CNTN4: variants seen among roughly 807,000 people sequenced by gnomAD.
CNTN4 encodes contactin-4.
In CNTN4, 77 loss-of-function variants were observed where a neutral mutation model predicts 122.5. That is an observed-to-expected ratio of 0.63 (90% confidence interval 0.52 to 0.76). CNTN4 has a LOEUF of 0.76. Ranked by LOEUF, CNTN4 falls within the 30% of genes least tolerant of loss-of-function variation. The pLI, the probability that CNTN4 is intolerant of heterozygous loss-of-function variation, is 0.00. For missense variants in CNTN4, 1,256 were observed against 1,259.1 expected (o/e 1.00, Z 0.04); for synonymous variants, 512 against 447.0 (o/e 1.15, Z -1.83).
At chr3:2,163,104 A>G (rs74492445) in intron 2 of CNTN4, among the ~76,000 whole-genome samples, 32,081 of 152,174 alleles carry the variant, frequency 0.21, 4,264 homozygotes, top group Non-Finnish European at 0.31. Context: ...CTCAAATTAT[A>G]CTACAAGGCT....
At chr3:2,635,412 A>C (rs987148559) in intron 4 of CNTN4, among the ~76,000 whole-genome samples, 1 of 152,150 alleles carries the variant, frequency 6.6e-6, no homozygotes, top group African/African-American at 2.4e-5. Flanking sequence ...TTTAACTGTA[A>C]TTTGAAAGTG....
At chr3:2,923,979 A>G (rs1239904697) in intron 12 of CNTN4, among the ~76,000 whole-genome samples, 1 of 152,070 alleles carries the variant, frequency 6.6e-6, no homozygotes, top group Non-Finnish European at 1.5e-5. Context: ...CTTGCACTCT[A>G]CTTATTAATT....
intron 4 of CNTN4, among the ~76,000 whole-genome samples, chr3:2,671,724 G>T (rs955427359): frequency 1.3e-5 from 2 of 152,130 alleles, no homozygotes; most frequent in Non-Finnish European, 2.9e-5. Flanking sequence ...GTGGGGAAAG[G>T]TCTACCTTTG....
At chr3:2,131,301 A>G (rs2034439386) in intron 2 of CNTN4, among the ~76,000 whole-genome samples, 1 of 152,148 alleles carries the variant, frequency 6.6e-6, no homozygotes, top group South Asian at 2.1e-4. Context: ...TCCTCCTCGT[A>G]TTCAGTGTCT....
intron 6 of CNTN4, among the ~76,000 whole-genome samples, chr3:2,804,869 G>C (rs906602577): frequency 6.6e-6 from 1 of 152,038 alleles, no homozygotes; most frequent in Non-Finnish European, 1.5e-5. Flanking sequence ...GGCTATTTTA[G>C]GGACACTGAA....
chr3:2,590,109 G>A (rs1271184069), intron 4 of CNTN4, among the ~76,000 whole-genome samples: 2 of 152,184 alleles, frequency 1.3e-5, no homozygotes, highest in African/African-American at 4.8e-5. Context: ...ACTGTCGTCA[G>A]TTCTTACCTA....
At chr3:2,123,028 A>T (rs1008960673) in intron 2 of CNTN4, among the ~76,000 whole-genome samples, 1 of 152,226 alleles carries the variant, frequency 6.6e-6, no homozygotes, top group Non-Finnish European at 1.5e-5. Context: ...TTTGAATTAC[A>T]CAGCAAGTAG....
chr3:2,635,763 A>G (rs2082633657), intron 4 of CNTN4, among the ~76,000 whole-genome samples: 1 of 152,202 alleles, frequency 6.6e-6, no homozygotes. Flanking sequence ...GAATAAACAT[A>G]GAAACTGACC....
intron 3 of CNTN4, among the ~76,000 whole-genome samples, chr3:2,504,709 T>C (rs2076686987): frequency 6.6e-6 from 1 of 152,144 alleles, no homozygotes; most frequent in Admixed American, 6.6e-5. Flanking sequence ...CAGAGAAATA[T>C]TGTGATCAAA....
intron 3 of CNTN4, among the ~76,000 whole-genome samples, chr3:2,366,717 ACT>A (rs1308084267): frequency 6.6e-6 from 1 of 151,272 alleles, no homozygotes; most frequent in Non-Finnish European, 1.5e-5. Flanking sequence ...ACAAAGCGAG[ACT>A]CTGTCTCAAA....
chr3:2,839,753 A>G (rs2093312257), intron 7 of CNTN4, among the ~76,000 whole-genome samples: 1 of 152,174 alleles, frequency 6.6e-6, no homozygotes, highest in African/African-American at 2.4e-5. Context: ...GGTCAACTAG[A>G]CAATCAAACT....
intron 12 of CNTN4, among the ~76,000 whole-genome samples, chr3:2,914,631 G>A (rs1304777697): frequency 6.6e-6 from 1 of 152,200 alleles, no homozygotes; most frequent in African/African-American, 2.4e-5. Flanking sequence ...CAAGGAGATT[G>A]AAGTAGTAAT....
intron 2 of CNTN4, among the ~76,000 whole-genome samples, chr3:2,123,323 A>C (rs750778478): frequency 6.6e-6 from 1 of 152,248 alleles, no homozygotes; most frequent in Non-Finnish European, 1.5e-5. Context: ...TGGCAGAGCT[A>C]TCTCCCTCTG....
chr3:3,043,090 A>G lies in CNTN4; in HGVS notation c.2625A>G (p.Leu875=). ...TNLKGSVLYH[L]AVKAYNSAGT... ...TAAAAGGCAGTGTGCTGTATCACTT[A>G]GCTGTCAAGGCATATAATTCTGCTG... is the stretch of plus-strand genomic sequence containing the variant. The change falls in exon 22 of 25, where the codon TTA becomes TTG. Residue 875 remains leucine (L), a synonymous_variant. Transcript: ENST00000418658. 1 of 1,614,232 alleles carries G rather than the reference A, an allele frequency of 6.2e-7. No homozygotes were observed. Among genetic ancestry groups the G allele is most frequent in the Non-Finnish European group, 8.5e-7 (1 of 1,180,028 alleles).
At chr3:2,377,774 TA>T (rs1029512914) in intron 3 of CNTN4, among the ~76,000 whole-genome samples, 9 of 151,012 alleles carry the variant, frequency 6.0e-5, no homozygotes, top group South Asian at 2.1e-4. Flanking sequence ...TTTTTGTGAT[TA>T]TTTTTTTTTA....
Position 3,040,020 on chromosome 3 carries a change from C to T in CNTN4, c.2164-17C>T. ...AAACTACTGTGATTTCTGAAGACCA[C>T]CTTCCTTCTTTCCCAGACGGTCCCT... On this transcript the variant is annotated splice_polypyrimidine_tract_variant and intron_variant, in intron 19 of 24. Transcript: ENST00000418658. 1.3e-6 allele frequency: 2 copies of T among 1,559,546 alleles called. No homozygotes were observed. The highest frequency in any genetic ancestry group is 1.8e-6 in the Non-Finnish European group (2 of 1,129,980).
intron 14 of CNTN4, among the ~76,000 whole-genome samples, chr3:3,004,416 C>CCT (rs1696390209): frequency 6.6e-6 from 1 of 152,160 alleles, no homozygotes; most frequent in Admixed American, 6.5e-5. Flanking sequence ...ATCTGGGCAC[C>CCT]CTTCCTCTCT....
At chr3:2,659,460 C>CAAAAAAAAA (rs59025670) in intron 4 of CNTN4, among the ~76,000 whole-genome samples, 9 of 53,830 alleles carry the variant, frequency 1.7e-4, no homozygotes, top group African/African-American at 2.0e-4. Flanking sequence ...GACTCCATCT[C>CAAAAAAAAA]AAAAAAAAAA....
chr3:2,245,262 A>G (rs2040097838), intron 2 of CNTN4, among the ~76,000 whole-genome samples: 1 of 152,040 alleles, frequency 6.6e-6, no homozygotes, highest in South Asian at 2.1e-4. Flanking sequence ...GAGGCTAGGG[A>G]GATCCCTAAT....
Sources: allele counts gnomAD v4.1 joint callset (sites outside exome capture counted in the v4.1 genomes callset), GRCh38; gene constraint gnomAD v4.1.1; transcripts MANE v1.5; gene names NCBI Gene and HGNC (gene_info 2026-07-23, HGNC 2026-07-21).